The following ERCC8 variants were observed in gnomAD, a reference collection of about 807,000 sequenced individuals.
The protein encoded by ERCC8 is DNA excision repair protein ERCC-8.
A neutral mutation model predicts 54.9 loss-of-function variants in ERCC8; 52 were observed. The observed-to-expected ratio is 0.95, with a 90% CI of 0.76 to 1.19. The LOEUF (loss-of-function observed/expected upper bound fraction) is 1.19, where lower values mean the gene tolerates loss of function less well. ERCC8 is among the 50% of genes most tolerant of loss of function. The pLI is 0.00. For missense variants in ERCC8, 514 were observed against 466.1 expected, an observed-to-expected ratio of 1.10 and a Z score of -0.95; for synonymous variants, 146 against 157.2, an observed-to-expected ratio of 0.93 and a Z score of 0.53.
intron 11 of ERCC8, among the ~76,000 whole-genome samples, chr5:60,882,384 C>T (rs922994379): frequency 3.3e-5 from 5 of 151,970 alleles, no homozygotes; most frequent in African/African-American, 1.2e-4. Context: ...TCCAAATGTC[C>T]AGAAGCGAAA....
intron 4 of ERCC8, among the ~76,000 whole-genome samples, chr5:60,907,882 C>T (rs767779011): frequency 2.0e-5 from 3 of 152,124 alleles, no homozygotes; most frequent in South Asian, 2.1e-4. Context: ...TTATTTTTAT[C>T]GCACTACTGT....
chr5:60,925,029 G>A (rs1479056358), intron 2 of ERCC8, among the ~76,000 whole-genome samples: 1 of 152,058 alleles, frequency 6.6e-6, no homozygotes, highest in Non-Finnish European at 1.5e-5. Flanking sequence ...ACTATCTGTA[G>A]CAGCTTTAGT....
In ERCC8 at chr5:60,874,528, G is replaced by T; in HGVS notation, c.*87C>A. 2 of 1,115,602 alleles carry T rather than the reference G, an allele frequency of 1.8e-6. No homozygotes were observed. The highest frequency in any genetic ancestry group is 2.7e-6 in the Non-Finnish European group (2 of 753,360). The allele number at this position is 1,115,602 out of a possible 1,614,324, so 69.1% of individuals were successfully genotyped here. On this transcript the variant is annotated 3_prime_UTR_variant, in exon 12 of 12. Transcript: ENST00000676185. ...ATTACCCACATTTAGGGCTAATTTA[G>T]CTGTCAGGAATAGACCATACAGTTG...
intron 1 of ERCC8, among the ~76,000 whole-genome samples, chr5:60,938,628 A>G (rs1213801896): frequency 6.6e-6 from 1 of 152,230 alleles, no homozygotes; most frequent in Admixed American, 6.5e-5. Context: ...TGCTGGGATT[A>G]CAGGCGTGAG....
chr5:60,907,355 CTT>C (rs34477732), intron 4 of ERCC8: 11 of 131,342 alleles, frequency 8.4e-5, no homozygotes, highest in Non-Finnish European at 1.3e-4. Context: ...AAACATGATT[CTT>C]TTTTTTTTTT....
At chr5:60,904,740 A>C in intron 5 of ERCC8, 52 bp downstream of exon 5, 1 of 1,103,646 alleles carries the variant, frequency 9.1e-7, no homozygotes, top group Non-Finnish European at 1.4e-6. Flanking sequence ...CTACATATAA[A>C]AAGGGAGAAA....
rs1747780887 is a variant in ERCC8, at chr5:60,867,631, G to T, written c.*6984C>A. On this transcript the variant is annotated 3_prime_UTR_variant, in exon 12 of 12. Coordinates refer to ENST00000676185, the MANE Select transcript of ERCC8 (RefSeq NM_000082.4). ...ATGTTCTTTGTTTTAGCATAAGTTT[G>T]AACAGTGTATTTATTTAGAAAATAT... is the stretch of plus-strand genomic sequence containing the variant. Among the ~76,000 whole-genome samples, 1 of 152,156 alleles carries T rather than the reference G, an allele frequency of 6.6e-6. No individual in the cohort carries two copies. Among genetic ancestry groups the T allele is most frequent in the African/African-American group, 2.4e-5 (1 of 41,434 alleles).
chr5:60,918,720 C>T (rs965226065), intron 3 of ERCC8: 4 of 326,450 alleles, frequency 1.2e-5, no homozygotes, highest in African/African-American at 2.1e-5. Flanking sequence ...CTGGAAGAGA[C>T]AGCTGTTTTG....
At position 60,890,875 on chromosome 5, in the gene ERCC8, T is replaced by C; in HGVS notation, c.1041+14A>G. 3 of 1,596,262 alleles carry C rather than the reference T, an allele frequency of 1.9e-6. No individual in the cohort carries two copies. The highest frequency in any genetic ancestry group is 2.6e-6 in the Non-Finnish European group (3 of 1,164,152). On this transcript the variant is annotated intron_variant, in intron 10 of 11. Transcript: ENST00000676185. ...TAGCTAGCTGAACATTTTAAATTCC[T>C]GTATCACTCTTACCTGGAAATTTGA...
intron 9 of ERCC8, among the ~76,000 whole-genome samples, 184 bp downstream of exon 9, chr5:60,898,092 G>A (rs1748769809): frequency 6.6e-6 from 1 of 152,188 alleles, no homozygotes; most frequent in Non-Finnish European, 1.5e-5. Context: ...GGAGAATGTG[G>A]TAGGTAGTGG....
chr5:60,912,108 G>C (rs1211908428), intron 4 of ERCC8, among the ~76,000 whole-genome samples: 1 of 152,052 alleles, frequency 6.6e-6, no homozygotes, highest in Non-Finnish European at 1.5e-5. Context: ...CTTTAAAGTA[G>C]TTTTTTCCAA....
Position 60,944,922 on chromosome 5 carries a change from T to C in ERCC8, c.77+10A>G, listed in dbSNP as rs201327177. ...CTGGCCTGTTAGCCAAAAAGTAAGG[T>C]TTTCTTTACCTCCGTGTTGACTCTG... On this transcript the variant is annotated intron_variant, in intron 1 of 11. Coordinates refer to ENST00000676185, the MANE Select transcript of ERCC8 (RefSeq NM_000082.4). 4 of 1,610,170 alleles carry C rather than the reference T, an allele frequency of 2.5e-6. No homozygotes were observed. In the East Asian group the frequency reaches 6.7e-5, roughly 27 times the overall value.
intron 6 of ERCC8, 70 bp downstream of exon 6, chr5:60,903,578 T>C (rs368308377): frequency 3.7e-6 from 6 of 1,600,894 alleles, no homozygotes; most frequent in Middle Eastern, 1.8e-4. Context: ...AAGAATACAC[T>C]GTTAGTAACG....
intron 11 of ERCC8, among the ~76,000 whole-genome samples, chr5:60,878,593 G>T (rs1748094753): frequency 1.3e-5 from 2 of 152,114 alleles, no homozygotes; most frequent in African/African-American, 4.8e-5. Context: ...TCCTCGTTTA[G>T]TCTTGGGAGG....
At chr5:60,888,984 A>G (rs922983710) in intron 10 of ERCC8, among the ~76,000 whole-genome samples, 30 of 152,220 alleles carry the variant, frequency 2.0e-4, no homozygotes, top group East Asian at 1.5e-3. Flanking sequence ...TTAGTTTTCA[A>G]GCTGGAACAG....
In ERCC8 at chr5:60,899,730, G is replaced by A. The variant is rs766570070; in HGVS notation, c.618-3C>T. 2 of 1,599,402 alleles carry A rather than the reference G, an allele frequency of 1.3e-6. No individual in the cohort carries two copies. Among genetic ancestry groups the A allele is most frequent in the South Asian group, 1.1e-5 (1 of 90,796 alleles). ...ATAATTTTACTCTACTGTCAGCACT[G>A]AGAAGAAATAAATGTTACATTGACA... On this transcript the variant is annotated splice_polypyrimidine_tract_variant and splice_region_variant and intron_variant, in intron 7 of 11. Transcript: ENST00000676185.
chr5:60,902,537 G>C, intron 6 of ERCC8, 29 bp from the exon 7 acceptor site: 4 of 1,577,808 alleles, frequency 2.5e-6, no homozygotes, highest in Non-Finnish European at 3.5e-6. Flanking sequence ...GAAAAGTCTT[G>C]CAAGATATCT....
intron 1 of ERCC8, among the ~76,000 whole-genome samples, chr5:60,932,546 T>G (rs1475419374): frequency 6.6e-6 from 1 of 152,192 alleles, no homozygotes; most frequent in African/African-American, 2.4e-5. Context: ...TTGTCACAAT[T>G]TGTTGCTAAA....
chr5:60,915,325 T>G (rs1483225041), intron 4 of ERCC8: 3 of 152,040 alleles, frequency 2.0e-5, no homozygotes, highest in Admixed American at 6.6e-5. Context: ...AGATTCTGCG[T>G]TATGTTATCC....
Sources: allele counts gnomAD v4.1 joint callset (sites outside exome capture counted in the v4.1 genomes callset), GRCh38; gene constraint gnomAD v4.1.1; transcripts MANE v1.5; gene names NCBI Gene and HGNC (gene_info 2026-07-23, HGNC 2026-07-21).